Variants in VSIG1 observed in about 807,000 individuals in gnomAD.
The protein encoded by VSIG1 is V-set and immunoglobulin domain-containing protein 1.
Under a neutral mutation model 20.1 loss-of-function variants are expected in VSIG1, and 11 were observed. That is an observed-to-expected ratio of 0.55 (90% CI 0.34 to 0.91). VSIG1 has a LOEUF of 0.91. Among genes scored for constraint, VSIG1 ranks in the 40% least tolerant of loss-of-function variants. The probability of loss-of-function intolerance (pLI) is 0.02; values close to 1 mark genes in which losing one functional copy is unlikely to be tolerated. For missense variants in VSIG1, 283 were observed against 298.8 expected (o/e 0.95, Z 0.39); for synonymous variants, 126 against 116.7 (o/e 1.08, Z -0.52).
chrX:108,048,391 TAA>T (rs1439694761), intron 1 of VSIG1, among the ~76,000 whole-genome samples: 10 of 112,355 alleles, frequency 8.9e-5, no homozygotes, highest in Non-Finnish European at 1.7e-4. Context: ...TATTATACTT[TAA>T]GTTTTAGGAT....
chrX:108,033,167 G>A, the VSIG1 span, among the ~76,000 whole-genome samples: 21 of 111,505 alleles, frequency 1.9e-4, no homozygotes, highest in Middle Eastern at 4.6e-3. Flanking sequence ...CATCAGATAC[G>A]CTGCTGTGTG....
chrX:108,039,398 T>C, the VSIG1 span, among the ~76,000 whole-genome samples: 64 of 111,008 alleles, frequency 5.8e-4, no homozygotes, highest in African/African-American at 2.0e-3. Context: ...TTTCATCACG[T>C]TGGCCAGGCT....
chrX:108,036,867 T>G, the VSIG1 span, among the ~76,000 whole-genome samples: 4 of 111,889 alleles, frequency 3.6e-5, no homozygotes, highest in Non-Finnish European at 7.5e-5. Context: ...ACTGTCCTTA[T>G]GCGTGGGGAT....
intron 1 of VSIG1, among the ~76,000 whole-genome samples, chrX:108,052,565 G>A (rs2030807165): frequency 9.1e-6 from 1 of 109,344 alleles, no homozygotes; most frequent in Admixed American, 9.8e-5. Flanking sequence ...GCCGTGAGCC[G>A]AGATCACACT....
chrX:108,066,705 C>T (rs925289626), intron 2 of VSIG1, among the ~76,000 whole-genome samples: 1 of 111,761 alleles, frequency 8.9e-6, no homozygotes, highest in South Asian at 3.8e-4. Flanking sequence ...GATAGGCATA[C>T]TAATCCCTGC....
At chrX:108,067,239 T>C in intron 3 of VSIG1, 105 bp downstream of exon 3, 1 of 829,532 alleles carries the variant, frequency 1.2e-6, no homozygotes. Context: ...TAGGTAAATA[T>C]ACTCCCTAAT....
the VSIG1 span, among the ~76,000 whole-genome samples, chrX:108,029,304 T>C: frequency 1.8e-5 from 2 of 112,090 alleles, no homozygotes; most frequent in Admixed American, 1.9e-4. Flanking sequence ...CTCTGCAATA[T>C]CTGCAAGTGT....
the VSIG1 span, among the ~76,000 whole-genome samples, chrX:108,028,074 G>T: frequency 9.0e-6 from 1 of 111,695 alleles, no homozygotes; most frequent in Non-Finnish European, 1.9e-5. Context: ...ATCCAAGGCA[G>T]AAGCTCAGGA....
intron 2 of VSIG1, among the ~76,000 whole-genome samples, chrX:108,059,366 A>C (rs1046837377): frequency 2.7e-5 from 3 of 111,316 alleles, no homozygotes; most frequent in African/African-American, 9.8e-5. Flanking sequence ...GTTTAGCAGG[A>C]AATGCCGTAC....
rs769180442 is a variant in VSIG1, at chrX:108,067,427, C to G, written c.412+293C>G. ...AGGGATGGAATGAGAACAGATGAGACAATCCACTGTCCCACAAAATGATCA... is the reference window on the plus strand; with the variant it reads ...AGGGATGGAATGAGAACAGATGAGAGAATCCACTGTCCCACAAAATGATCA... On this transcript the variant is annotated intron_variant, in intron 3 of 6. Transcript: ENST00000217957. 3.6e-5 allele frequency among the ~76,000 whole-genome samples: 4 copies of G among 111,665 alleles called. No homozygotes were observed. In the South Asian group the frequency reaches 1.1e-3, roughly 32 times the overall value.
chrX:108,024,330 C>A, the VSIG1 span, among the ~76,000 whole-genome samples: 1 of 110,483 alleles, frequency 9.1e-6, no homozygotes, highest in African/African-American at 3.3e-5. Context: ...TAATTTGAGT[C>A]TTTTATTTTT....
At chrX:108,047,879 T>TATAC (rs2030646956) in intron 1 of VSIG1, among the ~76,000 whole-genome samples, 1 of 36,209 alleles carries the variant, frequency 2.8e-5, no homozygotes, top group African/African-American at 1.5e-4. Flanking sequence ...TACACATATA[T>TATAC]ATATATACAC....
chrX:108,076,367 T>C (rs2031348033), intron 6 of VSIG1, 149 bp downstream of exon 6: 2 of 725,938 alleles, frequency 2.8e-6, no homozygotes, highest in South Asian at 7.1e-5. Context: ...AGAATGATGA[T>C]GGCTGCTATT....
intron 6 of VSIG1, 72 bp from the exon 7 acceptor site, chrX:108,076,976 A>T: frequency 9.9e-7 from 1 of 1,011,601 alleles, no homozygotes; most frequent in Non-Finnish European, 1.4e-6. Context: ...GCTACAGAAC[A>T]TATGGTTTCA....
chrX:108,055,912 G>A (rs2030888356), intron 1 of VSIG1, among the ~76,000 whole-genome samples: 1 of 110,849 alleles, frequency 9.0e-6, no homozygotes, highest in Non-Finnish European at 1.9e-5. Flanking sequence ...CAAACTGTTG[G>A]TTTCTTCTGA....
chrX:108,064,717 G>T (rs935242306), intron 2 of VSIG1: 3 of 751,640 alleles, frequency 4.0e-6, no homozygotes, highest in Non-Finnish European at 1.6e-6. Context: ...CAGTCTCCTT[G>T]GGAGGAGGGG....
At chrX:108,056,462 A>T (rs190788230) in intron 1 of VSIG1, among the ~76,000 whole-genome samples, 1 of 112,095 alleles carries the variant, frequency 8.9e-6, no homozygotes, top group Admixed American at 9.5e-5. Flanking sequence ...TACAAATTGG[A>T]AATGAAGAAA....
intron 3 of VSIG1, among the ~76,000 whole-genome samples, chrX:108,069,816 T>C (rs2031203345): frequency 9.0e-6 from 1 of 110,877 alleles, no homozygotes; most frequent in Non-Finnish European, 1.9e-5. Flanking sequence ...AAGCTTTCAG[T>C]GGAGGTATGA....
upstream of VSIG1, among the ~76,000 whole-genome samples, chrX:108,044,439 GAT>G (rs1269550023): frequency 8.9e-6 from 1 of 111,732 alleles, no homozygotes; most frequent in Non-Finnish European, 1.9e-5. Flanking sequence ...TCACTAACTT[GAT>G]TTTGCAAAAT....
Sources: gnomAD v4.1 joint callset for allele counts (sites outside exome capture counted in the v4.1 genomes callset) on GRCh38, gnomAD v4.1.1 for gene constraint, MANE v1.5 for transcripts, NCBI Gene and HGNC (gene_info 2026-07-23, HGNC 2026-07-21) for gene names.